The following FAM135B variants were observed in gnomAD, a reference collection of about 807,000 sequenced individuals.
FAM135B encodes the protein protein FAM135B.
Under a neutral mutation model 127.7 loss-of-function variants are expected in FAM135B, and 43 were observed. The observed-to-expected ratio is 0.34, with a 90% CI of 0.26 to 0.43. FAM135B has a LOEUF of 0.43. Among genes scored for constraint, FAM135B ranks in the 20% least tolerant of loss-of-function variants. The pLI is 1.00. For missense variants in FAM135B, 1,558 were observed against 1,725.6 expected, an observed-to-expected ratio of 0.90 and a Z score of 1.72; for synonymous variants, 670 against 665.1, an observed-to-expected ratio of 1.01 and a Z score of -0.11.
intron 9 of FAM135B, among the ~76,000 whole-genome samples, chr8:138,185,787 G>A (rs1221561296): frequency 1.3e-5 from 2 of 152,210 alleles, no homozygotes; most frequent in Admixed American, 6.5e-5. Context: ...TTGCTCTCCA[G>A]TTGATACTCA....
intron 1 of FAM135B, among the ~76,000 whole-genome samples, chr8:138,464,403 C>G (rs538761137): frequency 6.6e-6 from 1 of 152,264 alleles, no homozygotes; most frequent in South Asian, 2.1e-4. Flanking sequence ...AAACCTCCCC[C>G]CCAACACATG....
chr8:138,309,318 A>G (rs529293185), intron 3 of FAM135B, among the ~76,000 whole-genome samples: 2 of 152,178 alleles, frequency 1.3e-5, no homozygotes, highest in South Asian at 4.2e-4. Context: ...CTGGATCTAC[A>G]CTGGACCTAG....
intron 1 of FAM135B, among the ~76,000 whole-genome samples, chr8:138,416,740 C>A (rs1352105842): frequency 6.6e-6 from 1 of 151,994 alleles, no homozygotes. Context: ...CACCAAGATA[C>A]CAAATCATCA....
At chr8:138,182,084 C>T (rs1008145393) in intron 9 of FAM135B, among the ~76,000 whole-genome samples, 2 of 152,240 alleles carry the variant, frequency 1.3e-5, no homozygotes, top group Non-Finnish European at 2.9e-5. Flanking sequence ...AGCACCACTA[C>T]CACGCTGCCA....
At chr8:138,233,962 C>T (rs1462262189) in intron 7 of FAM135B, among the ~76,000 whole-genome samples, 2 of 152,076 alleles carry the variant, frequency 1.3e-5, no homozygotes, top group African/African-American at 4.8e-5. Context: ...TAAGGAAGTG[C>T]AAATAAAAAA....
At position 138,152,271 on chromosome 8, in the gene FAM135B, C is replaced by G. The variant is rs2130763065; in HGVS notation, c.2204G>C (p.Ser735Thr). 6.2e-7 allele frequency: 1 copy of G among 1,614,084 alleles called. No homozygotes were observed. Among genetic ancestry groups the G allele is most frequent in the African/African-American group, 1.3e-5 (1 of 75,032 alleles). The stretch of plus-strand genomic sequence containing the variant: ...GATGCCGCTTGGCAAACTTGTGTTA[C>G]TTTCTGTGTGTCCACCCTCTAGGGA... ...RNSLEGGHTE[S>T]NTSLPSGIQA... Residue 735 changes from serine (S) to threonine (T), a missense_variant, in exon 13 of 20, where the codon AGT (serine) becomes ACT (threonine). Around this residue, in one of 5 missense-constraint regions of FAM135B, gnomAD observed 923 missense variants for 865.3 expected, o/e 1.07. Coordinates refer to ENST00000395297, the MANE Select transcript of FAM135B (RefSeq NM_015912.4).
At chr8:138,294,867 T>G (rs916838223) in intron 3 of FAM135B, among the ~76,000 whole-genome samples, 7 of 152,212 alleles carry the variant, frequency 4.6e-5, no homozygotes, top group Admixed American at 1.3e-4. Flanking sequence ...TCAATTCATT[T>G]CATGACTCTG....
intron 3 of FAM135B, among the ~76,000 whole-genome samples, chr8:138,288,144 G>T (rs1482325873): frequency 6.6e-6 from 1 of 152,168 alleles, no homozygotes; most frequent in Admixed American, 6.5e-5. Flanking sequence ...CCTCGTGCAT[G>T]CTGAGGGAAA....
intron 3 of FAM135B, among the ~76,000 whole-genome samples, chr8:138,289,631 C>T (rs1192837412): frequency 6.6e-6 from 1 of 152,180 alleles, no homozygotes; most frequent in African/African-American, 2.4e-5. Flanking sequence ...ACCATTAAGA[C>T]CTCTCTTTAT....
intron 3 of FAM135B, among the ~76,000 whole-genome samples, chr8:138,279,967 T>C (rs1824133539): frequency 1.3e-5 from 2 of 152,212 alleles, no homozygotes; most frequent in African/African-American, 4.8e-5. Flanking sequence ...TACTCACTCC[T>C]ATATCTGAAA....
At chr8:138,233,178 T>G (rs1820027783) in intron 7 of FAM135B, among the ~76,000 whole-genome samples, 1 of 152,166 alleles carries the variant, frequency 6.6e-6, no homozygotes, top group Non-Finnish European at 1.5e-5. Context: ...TTTCAAAATA[T>G]ATTGCAGAGC....
chr8:138,267,643 CAA>C (rs1263486679), intron 3 of FAM135B, among the ~76,000 whole-genome samples: 3 of 151,580 alleles, frequency 2.0e-5, no homozygotes, highest in Non-Finnish European at 4.4e-5. Context: ...CTGGATGAGT[CAA>C]AGAGTTCTTT....
chr8:138,359,180 G>A (rs1373613132), intron 2 of FAM135B, among the ~76,000 whole-genome samples: 4 of 152,062 alleles, frequency 2.6e-5, no homozygotes, highest in African/African-American at 9.7e-5. Flanking sequence ...GTATGAAAGG[G>A]GGATGTAAAA....
At chr8:138,335,933 G>C (rs139493400) in intron 2 of FAM135B, among the ~76,000 whole-genome samples, 2,133 of 152,204 alleles carry the variant, frequency 0.014, 50 homozygotes, top group African/African-American at 0.048. Flanking sequence ...AATCAAACTA[G>C]AACTCAGGAT....
At chr8:138,194,601 G>T (rs1181471246) in intron 9 of FAM135B, among the ~76,000 whole-genome samples, 1 of 152,156 alleles carries the variant, frequency 6.6e-6, no homozygotes, top group African/African-American at 2.4e-5. Flanking sequence ...TGTCAGTTTG[G>T]GGGATGAGAC....
At chr8:138,277,441 T>G (rs967680520) in intron 3 of FAM135B, among the ~76,000 whole-genome samples, 20 of 152,212 alleles carry the variant, frequency 1.3e-4, no homozygotes, top group Non-Finnish European at 7.4e-5. Flanking sequence ...ATGGGTCACC[T>G]TGACTCAGAC....
rs1338500603 is a variant in FAM135B, at chr8:138,152,246, G to A, written c.2229C>T (p.Ile743=). The A allele has an allele frequency of 6.2e-7, 1 of 1,614,010 alleles. No individual in the cohort carries two copies. Among genetic ancestry groups the A allele is most frequent in the African/African-American group, 1.3e-5 (1 of 74,916 alleles). Residue 743 remains isoleucine (I), a synonymous_variant, in exon 13 of 20, where the codon ATC becomes ATT. Transcript: ENST00000395297. ...TESNTSLPSG[I]QASLTSISSL... Reference sequence around the variant, plus strand: ...AGCTAATGGAGGTGAGAGAAGCCTGGATGCCGCTTGGCAAACTTGTGTTAC... The same window carrying A: ...AGCTAATGGAGGTGAGAGAAGCCTGAATGCCGCTTGGCAAACTTGTGTTAC...
chr8:138,195,137 T>TGTTA, intron 9 of FAM135B, 121 bp downstream of exon 9: 1 of 827,880 alleles, frequency 1.2e-6, no homozygotes. Flanking sequence ...CAGCTTGGTA[T>TGTTA]CTAGAGTGAA....
intron 1 of FAM135B, among the ~76,000 whole-genome samples, chr8:138,425,853 T>C (rs966498038): frequency 6.6e-6 from 1 of 151,342 alleles, no homozygotes; most frequent in Non-Finnish European, 1.5e-5. Flanking sequence ...CTGGAGAATA[T>C]AAATATACTA....
Sources: gnomAD v4.1 joint callset for allele counts (sites outside exome capture counted in the v4.1 genomes callset) on GRCh38, gnomAD v4.1.1 for gene constraint, gnomAD v4.1.1 regional missense constraint, MANE v1.5 for transcripts, NCBI Gene and HGNC (gene_info 2026-07-23, HGNC 2026-07-21) for gene names.